Variants in MCTP1 observed in about 807,000 individuals in gnomAD.
MCTP1 encodes the protein multiple C2 and transmembrane domain containing 1.
In MCTP1, 69 loss-of-function variants were observed where a neutral mutation model predicts 120.6. The ratio of observed to expected loss-of-function variants is 0.57; its 90% confidence interval spans 0.47 to 0.70. The LOEUF (loss-of-function observed/expected upper bound fraction) is 0.70. Among genes scored for constraint, MCTP1 ranks in the 30% least tolerant of loss-of-function variants. The pLI is 0.00. For synonymous variants in MCTP1, 529 were observed against 493.1 expected (o/e 1.07, Z -0.96); for missense variants, 1,203 against 1,248.8 (o/e 0.96, Z 0.55).
chr5:94,926,469 G>T (rs1667318591), intron 6 of MCTP1, among the ~76,000 whole-genome samples: 1 of 152,046 alleles, frequency 6.6e-6, no homozygotes, highest in African/African-American at 2.4e-5. Flanking sequence ...ATGGCTCTTG[G>T]ATGCTTCCAT....
intron 19 of MCTP1, among the ~76,000 whole-genome samples, chr5:94,722,900 A>G (rs1000206488): frequency 5.3e-5 from 8 of 152,164 alleles, no homozygotes; most frequent in Non-Finnish European, 1.2e-4. Context: ...TTGGTGCACT[A>G]CTTTCTCTAG....
intron 1 of MCTP1, among the ~76,000 whole-genome samples, chr5:95,268,258 A>G (rs554366262): frequency 1.3e-5 from 2 of 152,370 alleles, no homozygotes; most frequent in South Asian, 2.1e-4. Flanking sequence ...CACAACATAG[A>G]TATTTCATAA....
chr5:94,727,450 T>C (rs1481058433), intron 19 of MCTP1, among the ~76,000 whole-genome samples: 2 of 152,192 alleles, frequency 1.3e-5, no homozygotes, highest in East Asian at 1.9e-4. Flanking sequence ...CAAACAAAGA[T>C]GGACTGTGAC....
At chr5:95,203,161 T>C (rs531959392) in intron 1 of MCTP1, among the ~76,000 whole-genome samples, 2 of 152,394 alleles carry the variant, frequency 1.3e-5, no homozygotes, top group South Asian at 2.1e-4. Flanking sequence ...ATAATTCTGA[T>C]TGGATGGCTT....
chr5:94,787,198 TC>T (rs1777916385), intron 18 of MCTP1, among the ~76,000 whole-genome samples: 1 of 152,214 alleles, frequency 6.6e-6, no homozygotes, highest in Non-Finnish European at 1.5e-5. Context: ...ATTACAATAA[TC>T]AAGAAAAATG....
At chr5:95,035,578 A>G (rs1379345276) in intron 1 of MCTP1, among the ~76,000 whole-genome samples, 1 of 151,994 alleles carries the variant, frequency 6.6e-6, no homozygotes, top group Non-Finnish European at 1.5e-5. Context: ...AATATGTAGG[A>G]AGAAAGAGGA....
intron 18 of MCTP1, among the ~76,000 whole-genome samples, chr5:94,791,538 T>C (rs972617176): frequency 5.5e-5 from 8 of 144,552 alleles, no homozygotes; most frequent in African/African-American, 2.1e-4. Flanking sequence ...GAAAATTGTA[T>C]AGAAATTAAA....
At chr5:95,250,052 A>C (rs766457069) in intron 1 of MCTP1, among the ~76,000 whole-genome samples, 6 of 152,176 alleles carry the variant, frequency 3.9e-5, no homozygotes, top group Non-Finnish European at 5.9e-5. Context: ...GAAATACCTA[A>C]TGTAAATGAC....
chr5:95,149,334 C>T (rs1760686438), intron 1 of MCTP1, among the ~76,000 whole-genome samples: 1 of 152,180 alleles, frequency 6.6e-6, no homozygotes, highest in African/African-American at 2.4e-5. Context: ...AGAGTAGGGG[C>T]TCCTCTACTG....
chr5:94,955,759 G>T (rs903313710), intron 2 of MCTP1, among the ~76,000 whole-genome samples: 20 of 152,326 alleles, frequency 1.3e-4, no homozygotes, highest in Non-Finnish European at 2.5e-4. Flanking sequence ...AAAGGCAGCA[G>T]CCACAATCAG....
In MCTP1 at chr5:95,129,032, G is replaced by T. The variant is rs183497862; in HGVS notation, c.721-111548C>A. 6.3e-4 allele frequency among the ~76,000 whole-genome samples: 96 copies of T among 152,282 alleles called. 1 individual carries two copies. The highest frequency in any genetic ancestry group is 2.2e-3 in the African/African-American group (90 of 41,556). On this transcript the variant is annotated intron_variant, in intron 1 of 22. Transcript: ENST00000515393. Reference sequence around the variant, plus strand: ...GAATGGAGAGAGCTAAAGGAGCAAAGGATGCCTAAATATATAATTGCTCAG... The same window carrying T: ...GAATGGAGAGAGCTAAAGGAGCAAATGATGCCTAAATATATAATTGCTCAG...
At position 95,272,059 on chromosome 5, in the gene MCTP1, G is replaced by T. The variant is rs148103660; in HGVS notation, c.720+11797C>A. 3.5e-4 allele frequency among the ~76,000 whole-genome samples: 53 copies of T among 152,214 alleles called. No homozygotes were observed. The East Asian group carries it at 8.1e-3, about 23-fold the overall frequency. ...TGGATGATTAAATTTAGAAGTGGAA[G>T]AATATTGGCATTCTTCTGGTTATCT... On this transcript the variant is annotated intron_variant, in intron 1 of 22. Transcript: ENST00000515393.
At chr5:94,956,216 T>C (rs1028107553) in intron 2 of MCTP1, among the ~76,000 whole-genome samples, 3 of 151,848 alleles carry the variant, frequency 2.0e-5, no homozygotes, top group African/African-American at 7.3e-5. Context: ...GGAATAGCCA[T>C]CAACATCAAC....
chr5:94,918,245 T>A (rs1252923924), intron 7 of MCTP1, among the ~76,000 whole-genome samples: 2 of 152,184 alleles, frequency 1.3e-5, no homozygotes, highest in African/African-American at 4.8e-5. Flanking sequence ...TAGAGCCTAA[T>A]TAAGTGATTT....
At chr5:94,811,019 C>T (rs994261944) in intron 17 of MCTP1, among the ~76,000 whole-genome samples, 3 of 152,112 alleles carry the variant, frequency 2.0e-5, no homozygotes, top group Admixed American at 6.5e-5. Flanking sequence ...TCTCCCATTC[C>T]GTCTTATAAT....
intron 1 of MCTP1, among the ~76,000 whole-genome samples, chr5:95,131,257 T>C (rs1293633656): frequency 1.3e-5 from 2 of 152,166 alleles, no homozygotes; most frequent in Admixed American, 6.5e-5. Context: ...TCTGAGGCAC[T>C]GCAAGCAGGA....
At chr5:94,949,066 T>C (rs971882975) in intron 3 of MCTP1, among the ~76,000 whole-genome samples, 2 of 152,326 alleles carry the variant, frequency 1.3e-5, no homozygotes, top group Admixed American at 1.3e-4. Flanking sequence ...ATTTTTCTAA[T>C]CTATCAAAAT....
At position 94,923,264 on chromosome 5, in the gene MCTP1, C is replaced by T. The variant is rs548878386; in HGVS notation, c.1272+698G>A. On this transcript the variant is annotated intron_variant, in intron 7 of 22. Coordinates refer to ENST00000515393, the MANE Select transcript of MCTP1 (RefSeq NM_024717.7). ...ATCTATTGTTACATTAAGCATATACCAAGTGTGAATTTTCAAAGAAAGAGG... is the reference window on the plus strand; with the variant it reads ...ATCTATTGTTACATTAAGCATATACTAAGTGTGAATTTTCAAAGAAAGAGG... 2.6e-4 allele frequency among the ~76,000 whole-genome samples: 40 copies of T among 151,934 alleles called. 1 individual carries two copies. The South Asian group carries it at 6.0e-3, about 23-fold the overall frequency.
chr5:95,253,147 C>T (rs1757536045), intron 1 of MCTP1, among the ~76,000 whole-genome samples: 1 of 152,128 alleles, frequency 6.6e-6, no homozygotes, highest in Non-Finnish European at 1.5e-5. Context: ...CAGCAGTTTA[C>T]ATGGCCACTA....
Sources: gnomAD v4.1 joint callset for allele counts (sites outside exome capture counted in the v4.1 genomes callset) on GRCh38, gnomAD v4.1.1 for gene constraint, MANE v1.5 for transcripts, NCBI Gene and HGNC (gene_info 2026-07-23, HGNC 2026-07-21) for gene names.